The following DZIP3 variants were observed in gnomAD, a reference collection of about 807,000 sequenced individuals.
The protein encoded by DZIP3 is DAZ interacting zinc finger protein 3.
DZIP3 carries 118 observed loss-of-function variants against 162.0 expected under a neutral mutation model. That is an observed-to-expected ratio of 0.73 (90% CI 0.63 to 0.85). DZIP3 has a LOEUF of 0.85. Among genes scored for constraint, DZIP3 ranks in the 40% least tolerant of loss-of-function variants. The pLI, the probability that DZIP3 is intolerant of heterozygous loss-of-function variation, is 0.00. For missense variants in DZIP3, 1,331 were observed against 1,407.0 expected (o/e 0.95, Z 0.86); for synonymous variants, 438 against 458.6 (o/e 0.96, Z 0.57).
At chr3:108,601,111 C>G (rs906233079) in intron 1 of DZIP3, among the ~76,000 whole-genome samples, 1 of 152,168 alleles carries the variant, frequency 6.6e-6, no homozygotes, top group African/African-American at 2.4e-5. Flanking sequence ...CCAGAACAAT[C>G]TCTAGGTCCA....
At chr3:108,617,563 A>G (rs982788338) in intron 5 of DZIP3, among the ~76,000 whole-genome samples, 5 of 152,188 alleles carry the variant, frequency 3.3e-5, no homozygotes, top group Non-Finnish European at 7.4e-5. Flanking sequence ...GTTATCTTCA[A>G]AAAAGGACTA....
chr3:108,675,813 T>A lies in DZIP3; in HGVS notation c.2721T>A (p.Ala907=). 1 of 1,609,596 alleles carries A rather than the reference T, an allele frequency of 6.2e-7. No homozygotes were observed. Among genetic ancestry groups the A allele is most frequent in the Non-Finnish European group, 8.5e-7 (1 of 1,177,826 alleles). ...ASNLESLQLK[A]AVDSWNAIVA... ...ACCTAGAATCACTTCAATTAAAGGC[T>A]GCGGTAGACAGTTGGAATGCCATTG... Residue 907 remains alanine, a synonymous_variant, in exon 25 of 33, where the codon GCT becomes GCA. Transcript: ENST00000361582.
chr3:108,619,997 C>G (rs953680166), intron 5 of DZIP3, among the ~76,000 whole-genome samples: 1 of 151,718 alleles, frequency 6.6e-6, no homozygotes, highest in African/African-American at 2.4e-5. Flanking sequence ...GCTAGAAGGA[C>G]TGGACTCAGC....
Position 108,661,944 on chromosome 3 carries a change from A to G in DZIP3, c.2267A>G (p.Gln756Arg). 1.2e-6 allele frequency: 2 copies of G among 1,614,014 alleles called. No homozygotes were observed. The highest frequency in any genetic ancestry group is 1.7e-6 in the Non-Finnish European group (2 of 1,179,932). ...AAGGAAAGGCTTGCTCGTCAAAGGCAGCTTTATAAATTGCACTATCAGTGT... is the reference window on the plus strand; with the variant it reads ...AAGGAAAGGCTTGCTCGTCAAAGGCGGCTTTATAAATTGCACTATCAGTGT... ...TEKERLARQR[Q>R]LYKLHYQCED... Residue 756 changes from glutamine to arginine, a missense_variant, in exon 20 of 33, where the codon CAG (glutamine) becomes CGG (arginine). Gln to Arg is a conservative substitution (Grantham distance 43). Transcript: ENST00000361582.
At chr3:108,646,701 C>A (rs765464325) in intron 15 of DZIP3, 52 bp downstream of exon 15, 3 of 1,281,002 alleles carry the variant, frequency 2.3e-6, no homozygotes, top group Non-Finnish European at 3.2e-6. Context: ...CAAGGGATAC[C>A]TATGAAATTT....
In DZIP3 at chr3:108,684,172, T is replaced by TGGGG. The variant is rs146441770; in HGVS notation, c.2884-38_2884-35dup. 5 of 1,480,048 alleles carry TGGGG rather than the reference T, an allele frequency of 3.4e-6. No homozygotes were observed. In the African/African-American group the frequency reaches 5.7e-5, roughly 17 times the overall value. 91.7% of individuals were successfully genotyped at this position (1,480,048 alleles called of 1,614,324 possible). Reference sequence around the variant, plus strand: ...TTGCCTAAATAAATATATAAATATGTGGGGGGGGGTGTTGTTTATTATTGT... The same window carrying TGGGG: ...TTGCCTAAATAAATATATAAATATGTGGGGGGGGGGGGGTGTTGTTTATTATTGT... On this transcript the variant is annotated intron_variant, in intron 26 of 32. Transcript: ENST00000361582.
At chr3:108,593,980 A>G (rs10933952) in intron 1 of DZIP3, among the ~76,000 whole-genome samples, 54,893 of 151,806 alleles carry the variant, frequency 0.36, 10,442 homozygotes, top group East Asian at 0.53. Context: ...TTTCTAGTAT[A>G]GTTACGGATC....
intron 8 of DZIP3, among the ~76,000 whole-genome samples, chr3:108,631,055 A>ACACACACACACACACACTCTCTCTCT: frequency 6.1e-4 from 11 of 18,008 alleles, no homozygotes; most frequent in East Asian, 2.5e-3. Flanking sequence ...ACACACACAC[A>ACACACACACACACACACTCTCTCTCT]CTCTCTCTCT....
chr3:108,629,035 C>A, intron 7 of DZIP3, 27 bp from the exon 8 acceptor site: 1 of 1,465,752 alleles, frequency 6.8e-7, no homozygotes, highest in Non-Finnish European at 9.3e-7. Context: ...CCCGTTCAAA[C>A]TAACCTTATT....
intron 3 of DZIP3, among the ~76,000 whole-genome samples, chr3:108,608,912 A>C (rs114226153): frequency 0.013 from 1,984 of 152,298 alleles, 41 homozygotes; most frequent in African/African-American, 0.046. Flanking sequence ...ACAGTTTCTT[A>C]GGCTGGACAG....
chr3:108,635,567 ATAAC>A (rs946934868), intron 10 of DZIP3, among the ~76,000 whole-genome samples: 11 of 147,590 alleles, frequency 7.5e-5, no homozygotes, highest in African/African-American at 2.7e-4. Flanking sequence ...ATATAACTGT[ATAAC>A]TACATAATTA....
At chr3:108,674,284 G>T in intron 24 of DZIP3, 103 bp downstream of exon 24, 1 of 963,884 alleles carries the variant, frequency 1.0e-6, no homozygotes, top group East Asian at 2.6e-5. Context: ...TGTGACATCA[G>T]AGTTCTTAAA....
intron 31 of DZIP3, among the ~76,000 whole-genome samples, chr3:108,689,383 A>G (rs1434845409): frequency 6.6e-6 from 1 of 152,098 alleles, no homozygotes; most frequent in Non-Finnish European, 1.5e-5. Flanking sequence ...CTCAGGCTTG[A>G]GTTTTGATGT....
intron 32 of DZIP3, chr3:108,691,529 C>G (rs1161143107): frequency 6.6e-6 from 1 of 152,124 alleles, no homozygotes; most frequent in Non-Finnish European, 1.5e-5. Context: ...CTCTGTGTCC[C>G]TGTGTCTCCA....
intron 1 of DZIP3, among the ~76,000 whole-genome samples, chr3:108,602,576 G>T (rs184794130): frequency 6.6e-6 from 1 of 152,178 alleles, no homozygotes; most frequent in East Asian, 1.9e-4. Context: ...GTTTACTGCC[G>T]ACAGGGAAAG....
At chr3:108,613,720 A>G (rs1940848357) in intron 4 of DZIP3, among the ~76,000 whole-genome samples, 1 of 152,164 alleles carries the variant, frequency 6.6e-6, no homozygotes. Context: ...ACATTTACAA[A>G]AATTGGCCAT....
At chr3:108,592,345 T>C (rs183435879) in intron 1 of DZIP3, among the ~76,000 whole-genome samples, 60 of 152,076 alleles carry the variant, frequency 3.9e-4, no homozygotes, top group Admixed American at 3.0e-3. Flanking sequence ...AGATACTAAG[T>C]TTTTAGGTTG....
At chr3:108,663,086 T>A (rs7636633) in intron 21 of DZIP3, among the ~76,000 whole-genome samples, 5,542 of 152,228 alleles carry the variant, frequency 0.036, 338 homozygotes, top group African/African-American at 0.12. Flanking sequence ...ATATATTGTA[T>A]CTACTACATG....
At chr3:108,612,709 G>A (rs1419909604) in intron 4 of DZIP3, among the ~76,000 whole-genome samples, 3 of 151,990 alleles carry the variant, frequency 2.0e-5, no homozygotes, top group African/African-American at 7.2e-5. Flanking sequence ...CTAATACAAT[G>A]TAAATGCTAT....
Sources: gnomAD v4.1 joint callset for allele counts (sites outside exome capture counted in the v4.1 genomes callset) on GRCh38, gnomAD v4.1.1 for gene constraint, MANE v1.5 for transcripts, NCBI Gene and HGNC (gene_info 2026-07-23, HGNC 2026-07-21) for gene names.